The following ZC3H18 variants were observed in gnomAD, a reference collection of about 807,000 sequenced individuals.
ZC3H18 encodes zinc finger CCCH domain-containing protein 18.
Under a neutral mutation model 106.1 loss-of-function variants are expected in ZC3H18, and 8 were observed. The ratio of observed to expected loss-of-function variants is 0.08; its 90% CI spans 0.04 to 0.14. ZC3H18 has a LOEUF of 0.14. ZC3H18 is among the 10% of genes least tolerant of loss of function. The pLI is 1.00. For synonymous variants in ZC3H18, 635 were observed against 522.1 expected, an observed-to-expected ratio of 1.22 and a Z score of -2.95; for missense variants, 1,318 against 1,278.4, an observed-to-expected ratio of 1.03 and a Z score of -0.47.
chr16:88,580,279 T>G (rs1340359986), intron 2 of ZC3H18, among the ~76,000 whole-genome samples: 1 of 151,746 alleles, frequency 6.6e-6, no homozygotes, highest in Non-Finnish European at 1.5e-5. Flanking sequence ...GGGGGCTACC[T>G]GGCTGGTTCC....
chr16:88,615,419 C>T (rs1414629253), intron 8 of ZC3H18, among the ~76,000 whole-genome samples: 4 of 152,216 alleles, frequency 2.6e-5, no homozygotes, highest in Admixed American at 6.5e-5. Context: ...CCCTGCTCCC[C>T]GTTGCAGCCT....
intron 6 of ZC3H18, among the ~76,000 whole-genome samples, 168 bp downstream of exon 6, chr16:88,600,116 A>G (rs1402948654): frequency 6.6e-6 from 1 of 152,126 alleles, no homozygotes; most frequent in African/African-American, 2.4e-5. Context: ...CTCAGAGCTC[A>G]TCTCAGTTTT....
At chr16:88,615,451 G>A (rs1388235425) in intron 8 of ZC3H18, among the ~76,000 whole-genome samples, 7 of 152,156 alleles carry the variant, frequency 4.6e-5, no homozygotes, top group South Asian at 2.1e-4. Context: ...CCAGAGTCCC[G>A]CACAGGTTGG....
intron 6 of ZC3H18, among the ~76,000 whole-genome samples, chr16:88,605,269 C>T (rs1383681964): frequency 6.6e-6 from 1 of 152,270 alleles, no homozygotes; most frequent in East Asian, 1.9e-4. Flanking sequence ...GTCCCACAGA[C>T]TCAGGGCAGA....
chr16:88,626,890 C>T (rs887955390), intron 13 of ZC3H18, among the ~76,000 whole-genome samples: 2 of 152,070 alleles, frequency 1.3e-5, no homozygotes, highest in Admixed American at 6.6e-5. Flanking sequence ...GTCTGTCTGC[C>T]GTGTGTTCCT....
chr16:88,597,559 GA>G lies in ZC3H18; in HGVS notation c.689-616del. Among the ~76,000 whole-genome samples, 2 of 152,334 alleles carry G rather than the reference GA, an allele frequency of 1.3e-5. 1 individual carries two copies. Among genetic ancestry groups the G allele is most frequent in the South Asian group, 4.1e-4 (2 of 4,830 alleles). ...CTTAGATGTCTTATATTCTACACTT[GA>G]AAGTCGAGGTCTCCTTTACTAACCC... On this transcript the variant is annotated intron_variant, in intron 3 of 17. Coordinates refer to ENST00000301011, the MANE Select transcript of ZC3H18 (RefSeq NM_144604.4).
In ZC3H18 at chr16:88,623,958, G is replaced by A. The variant is rs1255049570; in HGVS notation, c.1794G>A (p.Arg598=). 3 of 1,611,030 alleles carry A rather than the reference G, an allele frequency of 1.9e-6. No individual in the cohort carries two copies. The highest frequency in any genetic ancestry group is 2.5e-6 in the Non-Finnish European group (3 of 1,178,050). The change falls in exon 11 of 18, where the codon AGG becomes AGA. Residue 598 remains arginine (R), a splice_region_variant and synonymous_variant. Coordinates refer to ENST00000301011, the MANE Select transcript of ZC3H18 (RefSeq NM_144604.4). The part of the protein sequence containing the change: ...RHSSFSGSRS[R]SRSFSSSPSP... ...CCGACACCTTTGTTCACTCCCCTAG[G>A]TCCCGGTCCTTCTCTTCGTCCCCGT...
chr16:88,602,994 T>G (rs1904826372), intron 6 of ZC3H18, among the ~76,000 whole-genome samples: 1 of 151,676 alleles, frequency 6.6e-6, no homozygotes, highest in South Asian at 2.1e-4. Flanking sequence ...AGACGGAGTC[T>G]CGCTCTGTCA....
intron 6 of ZC3H18, among the ~76,000 whole-genome samples, chr16:88,603,009 G>A (rs1411265221): frequency 2.6e-5 from 4 of 151,482 alleles, no homozygotes; most frequent in African/African-American, 9.7e-5. Flanking sequence ...CTGTCACCCA[G>A]GCTGGAGTGT....
At chr16:88,601,692 G>T (rs1281632444) in intron 6 of ZC3H18, among the ~76,000 whole-genome samples, 2 of 152,134 alleles carry the variant, frequency 1.3e-5, no homozygotes, top group Non-Finnish European at 2.9e-5. Context: ...GGGCTGAAAG[G>T]TTTTCACTGG....
At chr16:88,613,992 C>G (rs1249596087) in intron 8 of ZC3H18, among the ~76,000 whole-genome samples, 1 of 152,204 alleles carries the variant, frequency 6.6e-6, no homozygotes, top group Non-Finnish European at 1.5e-5. Flanking sequence ...TGGTTTGTGT[C>G]ACCGTCCCCG....
intron 2 of ZC3H18, among the ~76,000 whole-genome samples, chr16:88,581,300 C>A (rs563516853): frequency 6.6e-6 from 1 of 152,226 alleles, no homozygotes; most frequent in South Asian, 2.1e-4. Flanking sequence ...ATTTATCATT[C>A]TTTTTCAGAA....
Position 88,598,722 on chromosome 16 carries a change from A to G in ZC3H18, c.930+10A>G, listed in dbSNP as rs372779939. ...CCGGCATGCAAAGGAGGTAAACACA[A>G]TTCAGCAGAAATCCCGACAAGAAAG... On this transcript the variant is annotated intron_variant, in intron 5 of 17. Transcript: ENST00000301011. 1.2e-6 allele frequency: 2 copies of G among 1,606,428 alleles called. No individual in the cohort carries two copies. Among genetic ancestry groups the G allele is most frequent in the South Asian group, 1.1e-5 (1 of 89,712 alleles).
intron 6 of ZC3H18, chr16:88,608,586 C>T (rs1905122743): frequency 6.2e-6 from 1 of 161,500 alleles, no homozygotes; most frequent in Non-Finnish European, 1.4e-5. Flanking sequence ...TGCTCTCAAA[C>T]TCCTGACCTC....
At position 88,570,422 on chromosome 16, in the gene ZC3H18, C is replaced by G. The variant is rs985263841; in HGVS notation, c.-159C>G. The G allele has an allele frequency of 1.3e-5, 2 of 152,020 alleles. No individual in the cohort carries two copies. Among genetic ancestry groups the G allele is most frequent in the African/African-American group, 4.8e-5 (2 of 41,400 alleles). The allele number at this position is 152,020 out of a possible 1,614,324, so 9.4% of individuals were successfully genotyped here. ...CCTGATGACGTCGCACAATGGCCGG[C>G]CCCCGCGGGTAGTGGAGCCCGTTTG... is the stretch of plus-strand genomic sequence containing the variant. On this transcript the variant is annotated 5_prime_UTR_variant, in exon 1 of 18. Coordinates refer to ENST00000301011, the MANE Select transcript of ZC3H18 (RefSeq NM_144604.4).
chr16:88,623,101 G>C, intron 9 of ZC3H18, 118 bp from the exon 10 acceptor site: 2 of 1,434,520 alleles, frequency 1.4e-6, no homozygotes, highest in South Asian at 2.7e-5. Context: ...GTGCGCAGCT[G>C]TGCGCTTGTG....
intron 2 of ZC3H18, among the ~76,000 whole-genome samples, chr16:88,584,640 G>A (rs1915330381): frequency 6.6e-6 from 1 of 152,182 alleles, no homozygotes; most frequent in Non-Finnish European, 1.5e-5. Context: ...GGGTCAGTGT[G>A]TAGGTGCTAG....
chr16:88,623,885 G>C (rs944163125), intron 10 of ZC3H18, 73 bp from the exon 11 acceptor site: 2 of 1,531,914 alleles, frequency 1.3e-6, no homozygotes, highest in African/African-American at 1.4e-5. Flanking sequence ...GGGTCTGGGT[G>C]GGTCCTCAGT....
chr16:88,572,807 G>C lies in ZC3H18; in HGVS notation c.-15+2241G>C, dbSNP rs545444387. Among the ~76,000 whole-genome samples, 4 of 152,030 alleles carry C rather than the reference G, an allele frequency of 2.6e-5. No homozygotes were observed. In the South Asian group the frequency reaches 8.3e-4, roughly 32 times the overall value. ...GAGTCTCACTCTGCTACCCAGGCTG[G>C]AGTGCAGTGGCATGATCTCGGCTCA... On this transcript the variant is annotated intron_variant, in intron 1 of 17. Transcript: ENST00000301011.
Sources: allele counts gnomAD v4.1 joint callset (sites outside exome capture counted in the v4.1 genomes callset), GRCh38; gene constraint gnomAD v4.1.1; transcripts MANE v1.5; gene names NCBI Gene and HGNC (gene_info 2026-07-23, HGNC 2026-07-21).